LYST: variants seen among roughly 807,000 people sequenced by gnomAD.
The protein encoded by LYST is lysosomal-trafficking regulator.
In LYST, 192 loss-of-function variants were observed where a neutral mutation model predicts 413.6. The observed-to-expected ratio is 0.46, with a 90% CI of 0.41 to 0.52. The LOEUF is 0.52. Among genes scored for constraint, LYST ranks in the 20% least tolerant of loss-of-function variants. The probability of loss-of-function intolerance (pLI) is 0.00; values close to 1 mark genes in which losing one functional copy is unlikely to be tolerated. For missense variants in LYST, 3,815 were observed against 4,499.9 expected (o/e 0.85, Z 4.35); for synonymous variants, 1,525 against 1,567.3 (o/e 0.97, Z 0.64).
intron 31 of LYST, chr1:235,738,330 A>G (rs965240624): frequency 6.2e-7 from 1 of 1,612,012 alleles, no homozygotes. Context: ...AATTTGGTCC[A>G]GTGTAATGTG....
In LYST at chr1:235,734,651, G is replaced by T. The variant is rs1305486519; in HGVS notation, c.8367C>A (p.Ala2789=). The part of the protein sequence containing the change: ...DCLSPSLQHG[A]KLVLYLSELI... Reference sequence around the variant, plus strand: ...ACTCTGACAAATACAAAACTAACTTGGCTCCATGCTTTAAAAAAAGTAATA... The same window carrying T: ...ACTCTGACAAATACAAAACTAACTTTGCTCCATGCTTTAAAAAAAGTAATA... The change falls in exon 32 of 53, where the codon GCC becomes GCA. Residue 2789 remains alanine (A), a synonymous_variant. Transcript: ENST00000389793. 1 of 1,602,692 alleles carries T rather than the reference G, an allele frequency of 6.2e-7. No homozygotes were observed. Among genetic ancestry groups the T allele is most frequent in the Admixed American group, 1.7e-5 (1 of 59,296 alleles).
At chr1:235,690,904 T>C (rs899242429) in intron 47 of LYST, among the ~76,000 whole-genome samples, 1 of 145,690 alleles carries the variant, frequency 6.9e-6, no homozygotes, top group African/African-American at 2.6e-5. Flanking sequence ...TATTTTACAG[T>C]TTACAAGTTT....
At chr1:235,685,658 C>T (rs1194762320) in intron 48 of LYST, among the ~76,000 whole-genome samples, 2 of 151,890 alleles carry the variant, frequency 1.3e-5, no homozygotes, top group Non-Finnish European at 2.9e-5. Flanking sequence ...CCAGTCTGAC[C>T]AACATGGCGA....
At chr1:235,801,926 T>C (rs1450015336) in intron 8 of LYST, among the ~76,000 whole-genome samples, 2 of 152,120 alleles carry the variant, frequency 1.3e-5, no homozygotes, top group Admixed American at 6.5e-5. Context: ...CTGGGTGCGG[T>C]GGCTCACGCC....
chr1:235,851,188 GTATA>G (rs60230013), intron 1 of LYST, among the ~76,000 whole-genome samples: 10 of 150,482 alleles, frequency 6.6e-5, no homozygotes, highest in African/African-American at 2.4e-4. Context: ...ATATGTGTGT[GTATA>G]TATATATATA....
At chr1:235,733,975 C>G (rs1664605108) in intron 32 of LYST, 69 bp from the exon 33 acceptor site, 2 of 767,412 alleles carry the variant, frequency 2.6e-6, no homozygotes, top group Non-Finnish European at 4.1e-6. Context: ...TCACAGAGCC[C>G]AACAAACTAA....
At chr1:235,719,003 T>C (rs1438027531) in intron 40 of LYST, among the ~76,000 whole-genome samples, 1 of 152,220 alleles carries the variant, frequency 6.6e-6, no homozygotes, top group African/African-American at 2.4e-5. Context: ...CACTTCAAGT[T>C]GGCTTCTGAG....
intron 21 of LYST, 74 bp downstream of exon 21, chr1:235,766,005 C>T: frequency 8.7e-7 from 1 of 1,151,148 alleles, no homozygotes; most frequent in South Asian, 1.2e-5. Context: ...AAATGTCAAA[C>T]AAATGTGAAT....
In LYST at chr1:235,712,216, AAT is replaced by A. The variant is rs1662453817; in HGVS notation, c.9785-21_9785-20del. On this transcript the variant is annotated intron_variant, in intron 42 of 52. Transcript: ENST00000389793. Reference sequence around the variant, plus strand: ...CTTTGATCTATAAAAAAATACAAATAATACGATTAAGACACAAAGACCTAATT... The same window carrying A: ...CTTTGATCTATAAAAAAATACAAATAACGATTAAGACACAAAGACCTAATT... 6.5e-7 allele frequency: 1 copy of A among 1,537,152 alleles called. No homozygotes were observed. Among genetic ancestry groups the A allele is most frequent in the Non-Finnish European group, 8.9e-7 (1 of 1,124,846 alleles).
intron 24 of LYST, among the ~76,000 whole-genome samples, chr1:235,756,812 A>G (rs887322720): frequency 6.6e-6 from 1 of 152,186 alleles, no homozygotes; most frequent in Non-Finnish European, 1.5e-5. Flanking sequence ...GTAAGATTAG[A>G]GGGAAGTTAT....
At chr1:235,828,150 TATGAC>T (rs1384538261) in intron 3 of LYST, 2 of 966,580 alleles carry the variant, frequency 2.1e-6, no homozygotes, top group African/African-American at 3.5e-5. Flanking sequence ...TTGCTGCTGT[TATGAC>T]ATGAATTATT....
intron 14 of LYST, among the ~76,000 whole-genome samples, chr1:235,785,431 G>A (rs1670318677): frequency 2.0e-5 from 3 of 152,122 alleles, no homozygotes; most frequent in African/African-American, 7.2e-5. Context: ...AATATATCAA[G>A]TGCTCAAAAC....
At chr1:235,873,279 C>T (rs988584620) in intron 1 of LYST, among the ~76,000 whole-genome samples, 2 of 152,172 alleles carry the variant, frequency 1.3e-5, no homozygotes, top group African/African-American at 2.4e-5. Flanking sequence ...TCAGGCTGAA[C>T]GTGTCATAGT....
At chr1:235,706,507 T>C (rs775588761) in intron 44 of LYST, among the ~76,000 whole-genome samples, 3 of 152,230 alleles carry the variant, frequency 2.0e-5, no homozygotes, top group Admixed American at 1.3e-4. Flanking sequence ...CTTGGGGTCT[T>C]ATTTCCACGT....
chr1:235,708,164 A>G (rs1206618940), intron 44 of LYST, among the ~76,000 whole-genome samples: 4 of 152,180 alleles, frequency 2.6e-5, no homozygotes, highest in Non-Finnish European at 5.9e-5. Context: ...TATTATTATT[A>G]TTATATAAAT....
intron 21 of LYST, among the ~76,000 whole-genome samples, chr1:235,763,709 T>C (rs987784139): frequency 6.6e-6 from 1 of 152,072 alleles, no homozygotes; most frequent in Admixed American, 6.6e-5. Context: ...TCCACCCACC[T>C]TGGCCTCTCA....
At chr1:235,757,209 T>C (rs1048677136) in intron 24 of LYST, 72 bp downstream of exon 24, 2 of 973,340 alleles carry the variant, frequency 2.1e-6, no homozygotes, top group Non-Finnish European at 3.1e-6. Context: ...TTAATGTATA[T>C]ACTCAAAATT....
intron 11 of LYST, among the ~76,000 whole-genome samples, chr1:235,792,659 G>A (rs1486465338): frequency 6.8e-6 from 1 of 146,058 alleles, no homozygotes; most frequent in African/African-American, 2.6e-5. Context: ...TTTGTTTCAT[G>A]TTTAGATTTT....
Position 235,677,542 on chromosome 1 carries a change from T to C in LYST, c.10878A>G (p.Lys3626=). The C allele has an allele frequency of 6.2e-7, 1 of 1,613,410 alleles. No homozygotes were observed. Among genetic ancestry groups the C allele is most frequent in the South Asian group, 1.1e-5 (1 of 91,074 alleles). ...TCACACTTATCAGTATACTGTATGG[T>C]TTGCAAACAAATAAGCTGGTTATCT... is the stretch of plus-strand genomic sequence containing the variant. ...TEEITSLFVC[K]PYSILISVSR... The change falls in exon 49 of 53, where the codon AAA becomes AAG. Residue 3626 remains lysine, a synonymous_variant. Transcript: ENST00000389793.
Sources: allele counts gnomAD v4.1 joint callset (sites outside exome capture counted in the v4.1 genomes callset), GRCh38; gene constraint gnomAD v4.1.1; transcripts MANE v1.5; gene names NCBI Gene and HGNC (gene_info 2026-07-23, HGNC 2026-07-21).